ADK: variants seen among roughly 807,000 people sequenced by gnomAD.
ADK encodes N6,N6-dimethyladenosine kinase.
In ADK, 24 loss-of-function variants were observed where a neutral mutation model predicts 44.7. The observed-to-expected ratio is 0.54, with a 90% CI of 0.39 to 0.76. The LOEUF is 0.76. Among genes scored for constraint, ADK ranks in the 30% least tolerant of loss-of-function variants. The pLI, the probability that ADK is intolerant of heterozygous loss-of-function variation, is 0.00. For missense variants in ADK, 321 were observed against 425.1 expected (o/e 0.76, Z 2.15); for synonymous variants, 128 against 142.6 (o/e 0.90, Z 0.73).
At chr10:74,530,539 T>G (rs991645930) in intron 7 of ADK, 9 of 152,166 alleles carry the variant, frequency 5.9e-5, no homozygotes, top group Non-Finnish European at 1.2e-4. Flanking sequence ...TCACAGGCAA[T>G]GATCAATGAT....
At chr10:74,498,573 C>T (rs147571471) in intron 6 of ADK, among the ~76,000 whole-genome samples, 64 of 152,242 alleles carry the variant, frequency 4.2e-4, no homozygotes, top group African/African-American at 1.5e-3. Context: ...ATGTGCACAA[C>T]GTGCAGGTTA....
chr10:74,638,041 C>T (rs1025695435), intron 9 of ADK, among the ~76,000 whole-genome samples: 4 of 152,104 alleles, frequency 2.6e-5, no homozygotes, highest in African/African-American at 9.7e-5. Context: ...AAGTGCTACA[C>T]CATTATCCAT....
intron 6 of ADK, among the ~76,000 whole-genome samples, chr10:74,447,961 G>A (rs954087207): frequency 1.3e-5 from 2 of 152,120 alleles, no homozygotes; most frequent in Non-Finnish European, 2.9e-5. Context: ...ATCACCTGAG[G>A]TCAGGAGTTC....
chr10:74,648,779 G>T (rs771901984), intron 9 of ADK, among the ~76,000 whole-genome samples: 1 of 152,178 alleles, frequency 6.6e-6, no homozygotes, highest in Non-Finnish European at 1.5e-5. Context: ...AAACAGAGCT[G>T]TATAAGAGCA....
At chr10:74,548,130 A>G (rs1416042752) in intron 7 of ADK, among the ~76,000 whole-genome samples, 1 of 152,148 alleles carries the variant, frequency 6.6e-6, no homozygotes, top group African/African-American at 2.4e-5. Flanking sequence ...GTCTTTAATT[A>G]TGTCAATTAT....
intron 6 of ADK, among the ~76,000 whole-genome samples, chr10:74,474,172 A>G (rs1472719998): frequency 1.3e-5 from 2 of 152,032 alleles, no homozygotes; most frequent in Non-Finnish European, 2.9e-5. Context: ...GTTGGAGTGC[A>G]GTGGTGTGAT....
chr10:74,673,398 G>A lies in ADK; in HGVS notation c.964+3129G>A, dbSNP rs564706223. 9.2e-5 allele frequency among the ~76,000 whole-genome samples: 14 copies of A among 152,338 alleles called. No homozygotes were observed. In the East Asian group the frequency reaches 2.1e-3, roughly 23 times the overall value. The stretch of plus-strand genomic sequence containing the variant: ...CAGGCAGAAATTGCAGTGTGTGGGC[G>A]CAGGAACTAGCCAGCCACTTTGGTG... On this transcript the variant is annotated intron_variant, in intron 10 of 10. Transcript: ENST00000539909.
intron 6 of ADK, among the ~76,000 whole-genome samples, chr10:74,493,137 C>T (rs1290429503): frequency 6.6e-6 from 1 of 152,050 alleles, no homozygotes; most frequent in Non-Finnish European, 1.5e-5. Context: ...TGGTTAATAA[C>T]ACCCAAATCA....
At chr10:74,285,548 A>G (rs989424150) in intron 3 of ADK, among the ~76,000 whole-genome samples, 1 of 135,734 alleles carries the variant, frequency 7.4e-6, no homozygotes, top group Non-Finnish European at 1.7e-5. Context: ...ATCTATATCT[A>G]TATGCATCTG....
At chr10:74,270,917 T>C (rs10740423) in intron 3 of ADK, among the ~76,000 whole-genome samples, 109,960 of 151,698 alleles carry the variant, frequency 0.72, 40,465 homozygotes, top group Middle Eastern at 0.86. Context: ...TAAAAAGTTT[T>C]TTACGGCATT....
intron 6 of ADK, among the ~76,000 whole-genome samples, chr10:74,501,339 T>G (rs774059465): frequency 1.3e-5 from 2 of 152,180 alleles, no homozygotes; most frequent in African/African-American, 2.4e-5. Context: ...CAGAGCCTGA[T>G]CCATGTATTT....
chr10:74,312,819 C>T (rs994348827), intron 3 of ADK, among the ~76,000 whole-genome samples: 4 of 133,464 alleles, frequency 3.0e-5, no homozygotes, highest in South Asian at 5.1e-4. Flanking sequence ...GAGACTGAGG[C>T]GGGAGGATCC....
chr10:74,342,544 C>G (rs1342462794), intron 4 of ADK, among the ~76,000 whole-genome samples: 2 of 152,184 alleles, frequency 1.3e-5, no homozygotes, highest in African/African-American at 4.8e-5. Flanking sequence ...ACAAACATGG[C>G]TCACTGCAGC....
intron 1 of ADK, among the ~76,000 whole-genome samples, chr10:74,172,061 G>A (rs1317756927): frequency 6.6e-6 from 1 of 151,374 alleles, no homozygotes; most frequent in Non-Finnish European, 1.5e-5. Context: ...TAAATTTTGA[G>A]AGAATAAACT....
intron 4 of ADK, among the ~76,000 whole-genome samples, chr10:74,382,960 C>G (rs990054096): frequency 1.9e-4 from 29 of 151,714 alleles, no homozygotes; most frequent in Admixed American, 1.4e-3. Flanking sequence ...ATTTTCCCCC[C>G]CTCCTCTCAC....
At chr10:74,529,152 T>TA (rs2133652885) in intron 7 of ADK, 1 of 152,314 alleles carries the variant, frequency 6.6e-6, no homozygotes, top group African/African-American at 2.4e-5. Flanking sequence ...TTCATGTATA[T>TA]ATACAATGGA....
At position 74,398,556 on chromosome 10, in the gene ADK, A is replaced by G. The variant is rs1375727056; in HGVS notation, c.532A>G (p.Lys178Glu). 3 of 1,609,088 alleles carry G rather than the reference A, an allele frequency of 1.9e-6. No homozygotes were observed. Among genetic ancestry groups the G allele is most frequent in the Admixed American group, 1.7e-5 (1 of 59,936 alleles). Residue 178 changes from lysine to glutamate, a missense_variant, in exon 6 of 11, where the codon AAA (lysine) becomes GAA (glutamate). Coordinates refer to ENST00000539909, the MANE Select transcript of ADK (RefSeq NM_006721.4). ...DLEKNWMLVE[K>E]ARVCYIAGFF... is the part of the protein sequence containing the mutation. ...GGAGAAAAACTGGATGTTGGTAGAA[A>G]AAGCAAGAGTTTGTTATATAGCAGT...
intron 6 of ADK, among the ~76,000 whole-genome samples, chr10:74,421,179 GT>G (rs1332335299): frequency 6.6e-6 from 1 of 152,134 alleles, no homozygotes; most frequent in Non-Finnish European, 1.5e-5. Flanking sequence ...GGAAAATGGT[GT>G]TTTGATTGGA....
intron 4 of ADK, among the ~76,000 whole-genome samples, chr10:74,319,110 C>G (rs913304436): frequency 6.6e-6 from 1 of 152,124 alleles, no homozygotes; most frequent in African/African-American, 2.4e-5. Context: ...CAAAAAGAAG[C>G]ATGCCTTTAT....
Sources: allele counts gnomAD v4.1 joint callset (sites outside exome capture counted in the v4.1 genomes callset), GRCh38; gene constraint gnomAD v4.1.1; transcripts MANE v1.5; gene names NCBI Gene and HGNC (gene_info 2026-07-23, HGNC 2026-07-21).